KLF8: variants seen among roughly 807,000 people sequenced by gnomAD.
The protein encoded by KLF8 is KLF transcription factor 8.
Under a neutral mutation model 18.2 loss-of-function variants are expected in KLF8, and 10 were observed. The ratio of observed to expected loss-of-function variants is 0.55; its 90% CI spans 0.34 to 0.93. The LOEUF (loss-of-function observed/expected upper bound fraction) is 0.93, where lower values mean the gene tolerates loss of function less well. Among genes scored for constraint, KLF8 ranks in the 40% least tolerant of loss-of-function variants. The pLI, the probability that KLF8 is intolerant of heterozygous loss-of-function variation, is 0.02. For synonymous variants in KLF8, 109 were observed against 97.3 expected, an observed-to-expected ratio of 1.12 and a Z score of -0.71; for missense variants, 264 against 277.9, an observed-to-expected ratio of 0.95 and a Z score of 0.36.
chrX:55,930,368 C>T, the KLF8 span, among the ~76,000 whole-genome samples: 1 of 111,569 alleles, frequency 9.0e-6, no homozygotes, highest in African/African-American at 3.3e-5. Flanking sequence ...ATTTGAATAC[C>T]CTTTATTTCT....
chrX:56,152,742 C>G, the KLF8 span, among the ~76,000 whole-genome samples: 1 of 111,668 alleles, frequency 9.0e-6, no homozygotes. Flanking sequence ...ACCTGCATGT[C>G]TGCACTCCTC....
At chrX:56,171,567 C>T in the KLF8 span, among the ~76,000 whole-genome samples, 1 of 110,959 alleles carries the variant, frequency 9.0e-6, no homozygotes, top group Non-Finnish European at 1.9e-5. Context: ...GTTCCCCACC[C>T]TGTGTCCAAG....
In KLF8 at chrX:56,253,764, C is replaced by CTTTTTTTTTTTTTTTTTTT. The variant is rs60291877; in HGVS notation, c.81+3474_81+3475insTTTTTTTTTTTTTTTTTTT. On this transcript the variant is annotated intron_variant, in intron 2 of 5. Coordinates refer to ENST00000468660, the MANE Select transcript of KLF8 (RefSeq NM_007250.5). ...GTACATAATGTCTTTTTTTCTTTTT[C>CTTTTTTTTTTTTTTTTTTT]TTTTTTTTTTTTTTGAGATGTTGTC... 1.2e-4 allele frequency among the ~76,000 whole-genome samples: 7 copies of CTTTTTTTTTTTTTTTTTTT among 60,115 alleles called. 1 individual carries two copies. Among genetic ancestry groups the CTTTTTTTTTTTTTTTTTTT allele is most frequent in the East Asian group, 5.4e-4 (1 of 1,835 alleles). 52.2% of individuals were successfully genotyped at this position (60,115 alleles called of 115,157 possible).
the KLF8 span, among the ~76,000 whole-genome samples, chrX:56,081,271 G>T: frequency 1.8e-5 from 2 of 111,360 alleles, no homozygotes; most frequent in Non-Finnish European, 3.8e-5. Context: ...CCCCATCTTT[G>T]TGGTTTTATC....
the KLF8 span, among the ~76,000 whole-genome samples, chrX:55,987,370 G>T: frequency 3.7e-5 from 4 of 109,195 alleles, no homozygotes; most frequent in East Asian, 2.9e-4. Flanking sequence ...CCCACAACAG[G>T]CCCCGGGGTG....
chrX:55,997,324 C>G, the KLF8 span, among the ~76,000 whole-genome samples: 8 of 112,149 alleles, frequency 7.1e-5, no homozygotes, highest in African/African-American at 2.6e-4. Flanking sequence ...CATTCCTGCA[C>G]CAAACCCTCT....
the KLF8 span, among the ~76,000 whole-genome samples, chrX:55,939,005 C>T: frequency 8.9e-6 from 1 of 111,880 alleles, no homozygotes; most frequent in Non-Finnish European, 1.9e-5. Context: ...GAAATGAACT[C>T]AGCTCTGCAC....
At chrX:56,074,118 G>T in the KLF8 span, among the ~76,000 whole-genome samples, 3 of 111,620 alleles carry the variant, frequency 2.7e-5, no homozygotes, top group East Asian at 8.4e-4. Flanking sequence ...ATCTTCTCAA[G>T]ATTTTGGCCT....
the KLF8 span, among the ~76,000 whole-genome samples, chrX:56,053,224 C>G: frequency 3.6e-5 from 4 of 112,376 alleles, no homozygotes; most frequent in Non-Finnish European, 7.5e-5. Flanking sequence ...AAATCACTGT[C>G]CTCTGCGTCG....
At chrX:56,078,101 A>C in the KLF8 span, among the ~76,000 whole-genome samples, 30 of 110,922 alleles carry the variant, frequency 2.7e-4, no homozygotes, top group Admixed American at 2.6e-3. Flanking sequence ...GGACTGTTTG[A>C]CTTCCTCTTT....
At chrX:56,200,369 T>C in the KLF8 span, among the ~76,000 whole-genome samples, 2 of 109,002 alleles carry the variant, frequency 1.8e-5, no homozygotes, top group Admixed American at 9.8e-5. Flanking sequence ...TATAAAAATA[T>C]AACTAAGTAT....
the KLF8 span, among the ~76,000 whole-genome samples, chrX:55,948,985 C>T: frequency 8.9e-6 from 1 of 111,739 alleles, no homozygotes; most frequent in African/African-American, 3.2e-5. Context: ...ATGGAAAAGT[C>T]CTTTTAGACA....
chrX:56,051,689 G>C, the KLF8 span, among the ~76,000 whole-genome samples: 1 of 109,715 alleles, frequency 9.1e-6, no homozygotes, highest in Non-Finnish European at 1.9e-5. Context: ...TTTCTCTCTG[G>C]CTGCCCTTAA....
At chrX:56,030,754 G>A in the KLF8 span, among the ~76,000 whole-genome samples, 132 of 107,577 alleles carry the variant, frequency 1.2e-3, no homozygotes, top group African/African-American at 4.2e-3. Context: ...TAAGGGAGGG[G>A]CACTGTTGGT....
the KLF8 span, among the ~76,000 whole-genome samples, chrX:55,986,874 G>C: frequency 2.7e-5 from 3 of 111,485 alleles, no homozygotes; most frequent in African/African-American, 9.8e-5. Flanking sequence ...ATAACATGTA[G>C]TATCTGGTTT....
At chrX:56,014,718 C>T in the KLF8 span, 1 of 109,435 alleles carries the variant, frequency 9.1e-6, no homozygotes, top group Non-Finnish European at 1.9e-5. Flanking sequence ...CAAAGACATG[C>T]AATCAACACA....
At chrX:56,010,809 A>G in the KLF8 span, among the ~76,000 whole-genome samples, 1 of 112,149 alleles carries the variant, frequency 8.9e-6, no homozygotes, top group African/African-American at 3.2e-5. Context: ...AATCTGTTGC[A>G]ATCTTAGTTT....
chrX:56,076,073 C>T, the KLF8 span, among the ~76,000 whole-genome samples: 1 of 108,262 alleles, frequency 9.2e-6, no homozygotes, highest in Admixed American at 1.0e-4. Flanking sequence ...GTTTTTTGTT[C>T]TTGCGATAGT....
chrX:56,082,212 T>G, the KLF8 span, among the ~76,000 whole-genome samples: 1 of 112,059 alleles, frequency 8.9e-6, no homozygotes, highest in Non-Finnish European at 1.9e-5. Flanking sequence ...TTTTAAAATT[T>G]TATTTACCTT....
Sources: gnomAD v4.1 joint callset for allele counts (sites outside exome capture counted in the v4.1 genomes callset) on GRCh38, gnomAD v4.1.1 for gene constraint, MANE v1.5 for transcripts, NCBI Gene and HGNC (gene_info 2026-07-23, HGNC 2026-07-21) for gene names.